The following COL27A1 variants were observed in gnomAD, a reference collection of about 807,000 sequenced individuals.
The protein encoded by COL27A1 is collagen alpha-1(XXVII) chain.
In COL27A1, 106 loss-of-function variants were observed where a neutral mutation model predicts 251.3. The observed-to-expected ratio is 0.42, with a 90% CI of 0.36 to 0.50. The LOEUF (loss-of-function observed/expected upper bound fraction) is 0.50, where lower values mean the gene tolerates loss of function less well. Among genes scored for constraint, COL27A1 ranks in the 20% least tolerant of loss-of-function variants. COL27A1 has a pLI of 0.00. For missense variants in COL27A1, 2,325 were observed against 2,522.8 expected (o/e 0.92, Z 1.68); for synonymous variants, 1,000 against 986.3 (o/e 1.01, Z -0.26).
chr9:114,166,961 C>T (rs1034624419), intron 2 of COL27A1, among the ~76,000 whole-genome samples: 1 of 152,162 alleles, frequency 6.6e-6, no homozygotes, highest in African/African-American at 2.4e-5. Flanking sequence ...GAAATGCCAT[C>T]ACCCTTCTGA....
intron 13 of COL27A1, 25 bp from the exon 14 acceptor site, chr9:114,222,195 AACC>A: frequency 6.2e-7 from 1 of 1,610,860 alleles, no homozygotes; most frequent in Non-Finnish European, 8.5e-7. Context: ...TGGGACAAGT[AACC>A]ACCTTGGTCT....
chr9:114,178,049 G>A (rs1199551983), intron 3 of COL27A1, among the ~76,000 whole-genome samples: 1 of 152,174 alleles, frequency 6.6e-6, no homozygotes, highest in Non-Finnish European at 1.5e-5. Flanking sequence ...TCTGGAGAAG[G>A]TGACACCCTA....
intron 19 of COL27A1, 126 bp from the exon 20 acceptor site, chr9:114,240,094 T>C: frequency 1.2e-6 from 1 of 849,566 alleles, no homozygotes; most frequent in Non-Finnish European, 2.0e-6. Context: ...GGTGGTTAAC[T>C]GACCTGCCTG....
intron 1 of COL27A1, among the ~76,000 whole-genome samples, chr9:114,162,143 G>T (rs916433731): frequency 5.3e-5 from 8 of 152,318 alleles, no homozygotes; most frequent in Non-Finnish European, 1.2e-4. Context: ...GCCAAGTTGG[G>T]AGCTGCCTTC....
intron 22 of COL27A1, among the ~76,000 whole-genome samples, 155 bp from the exon 23 acceptor site, chr9:114,243,352 G>A (rs1832895255): frequency 6.6e-6 from 1 of 152,206 alleles, no homozygotes; most frequent in Non-Finnish European, 1.5e-5. Context: ...CAGGACAGCT[G>A]GCCACCTGGT....
At position 114,230,058 on chromosome 9, in the gene COL27A1, A is replaced by C. The variant is rs140600804; in HGVS notation, c.2467-1021A>C. On this transcript the variant is annotated intron_variant, in intron 14 of 60. Transcript: ENST00000356083. ...TCTCCTGGAAACAAGGCTGGCAGGT[A>C]CACAGTATTGTACGTCCTCACTTGT... Among the ~76,000 whole-genome samples, 140 of 152,326 alleles carry C rather than the reference A, an allele frequency of 9.2e-4. 1 individual carries two copies. The highest frequency in any genetic ancestry group is 3.3e-3 in the African/African-American group (136 of 41,576).
intron 44 of COL27A1, 96 bp from the exon 45 acceptor site, chr9:114,289,146 A>AACC: frequency 4.2e-5 from 47 of 1,126,950 alleles, no homozygotes; most frequent in Non-Finnish European, 5.0e-5. Context: ...GCACCCCCAA[A>AACC]CCCCTCCCCA....
intron 23 of COL27A1, among the ~76,000 whole-genome samples, chr9:114,245,170 T>G (rs1187874631): frequency 6.9e-6 from 1 of 145,726 alleles, no homozygotes; most frequent in Non-Finnish European, 1.5e-5. Flanking sequence ...TTTTTTTTTT[T>G]TTTTTTGACA....
At chr9:114,307,590 T>G in intron 58 of COL27A1, 79 bp from the exon 59 acceptor site, 6 of 994,940 alleles carry the variant, frequency 6.0e-6, no homozygotes, top group Non-Finnish European at 9.7e-6. Context: ...GGTCACAAGA[T>G]GCAGGGTCCA....
At chr9:114,300,572 C>A in intron 50 of COL27A1, 53 bp from the exon 51 acceptor site, 1 of 1,436,316 alleles carries the variant, frequency 7.0e-7, no homozygotes, top group Admixed American at 2.3e-5. Context: ...GCTGTGGGGG[C>A]CCTTTACCCA....
Position 114,306,635 on chromosome 9 carries a change from A to G in COL27A1, c.5054A>G (p.Asn1685Ser). 6 of 1,613,938 alleles carry G rather than the reference A, an allele frequency of 3.7e-6. No homozygotes were observed. Among genetic ancestry groups the G allele is most frequent in the Non-Finnish European group, 5.1e-6 (6 of 1,179,986 alleles). The change falls in exon 58 of 61, where the codon AAC (asparagine) becomes AGC (serine). Residue 1685 changes from asparagine to serine, a missense_variant. Asn to Ser is a conservative substitution (Grantham distance 46). Around this residue, in one of 4 missense-constraint regions of COL27A1, gnomAD observed 327 missense variants for 442.8 expected, o/e 0.74. Coordinates refer to ENST00000356083, the MANE Select transcript of COL27A1 (RefSeq NM_032888.4). Reference sequence around the variant, plus strand: ...AAGACGCCCCTGGGCACCAAAGAGAACCCCGCCCGGGTCTGCAGGGACCTC... The same window carrying G: ...AAGACGCCCCTGGGCACCAAAGAGAGCCCCGCCCGGGTCTGCAGGGACCTC... ...SIKTPLGTKE[N>S]PARVCRDLMD...
chr9:114,208,215 A>G (rs2135318697), intron 10 of COL27A1, among the ~76,000 whole-genome samples: 1 of 152,188 alleles, frequency 6.6e-6, no homozygotes, highest in Admixed American at 6.5e-5. Flanking sequence ...AGGCGGGTGG[A>G]TCACCTGAGG....
intron 5 of COL27A1, among the ~76,000 whole-genome samples, chr9:114,184,924 C>T (rs1212440478): frequency 6.6e-6 from 1 of 152,164 alleles, no homozygotes; most frequent in Non-Finnish European, 1.5e-5. Context: ...GCCAGGCTTG[C>T]CCCTTCCTGG....
chr9:114,182,897 T>C (rs1459897711), intron 4 of COL27A1, 125 bp from the exon 5 acceptor site: 1 of 826,822 alleles, frequency 1.2e-6, no homozygotes, highest in Non-Finnish European at 2.0e-6. Flanking sequence ...ACAGTGTTGC[T>C]AGGGCTTGGC....
rs986782848 is a variant in COL27A1, at chr9:114,291,047, T to G, written c.4476+130T>G. On this transcript the variant is annotated intron_variant, in intron 48 of 60. Transcript: ENST00000356083. ...AAAATGGAGTCCACATTGTTGACCT[T>G]TCTCCGTCAGCAGTGCTTGGGGGTC... is the stretch of plus-strand genomic sequence containing the variant. 8.1e-6 allele frequency: 5 copies of G among 616,616 alleles called. No homozygotes were observed. In the Admixed American group the frequency reaches 1.6e-4, roughly 20 times the overall value. The allele number at this position is 616,616 out of a possible 1,614,324, so 38.2% of individuals were successfully genotyped here. A position where few individuals can be genotyped will look rare whatever the true frequency, so the allele number is the denominator to read the frequency against.
At position 114,245,878 on chromosome 9, in the gene COL27A1, G is replaced by T; in HGVS notation, c.2947G>T (p.Asp983Tyr). Residue 983 changes from aspartate (D) to tyrosine (Y), a missense_variant, in exon 24 of 61, where the codon GAT becomes TAT. Physicochemically the swap from Asp to Tyr is radical, Grantham distance 160. This residue lies in a region of COL27A1 where 662 missense variants were observed against 795.3 expected (regional missense o/e 0.83). Coordinates refer to ENST00000356083, the MANE Select transcript of COL27A1 (RefSeq NM_032888.4). The stretch of plus-strand genomic sequence containing the variant: ...TGTCTCTTTGCAGGGGGAACCAGGG[G>T]ATCCTGGTCGGCCGGGGCCTGTGGG... ...GLDGVKGEPG[D>Y]PGRPGPVGEQ... The T allele has an allele frequency of 6.2e-7, 1 of 1,613,206 alleles. No individual in the cohort carries two copies. Among genetic ancestry groups the T allele is most frequent in the Non-Finnish European group, 8.5e-7 (1 of 1,179,594 alleles).
At chr9:114,244,845 A>G (rs1204970288) in intron 23 of COL27A1, among the ~76,000 whole-genome samples, 1 of 152,186 alleles carries the variant, frequency 6.6e-6, no homozygotes, top group Non-Finnish European at 1.5e-5. Context: ...GATTTGTCCC[A>G]CAGATCTGCT....
At position 114,306,516 on chromosome 9, in the gene COL27A1, A is replaced by G. The variant is rs762913125; in HGVS notation, c.4939-4A>G. The G allele has an allele frequency of 5.6e-6, 9 of 1,613,690 alleles. No individual in the cohort carries two copies. ...TCCCAATGACCACCCTCTCCTCGTG[A>G]CAGAGTTACAGCTATCCAGACCGGC... On this transcript the variant is annotated splice_polypyrimidine_tract_variant and splice_region_variant and intron_variant, in intron 57 of 60. Transcript: ENST00000356083.
At chr9:114,299,386 C>T (rs1156309886) in intron 49 of COL27A1, among the ~76,000 whole-genome samples, 1 of 152,220 alleles carries the variant, frequency 6.6e-6, no homozygotes, top group East Asian at 1.9e-4. Flanking sequence ...TCCAGGGGCC[C>T]CCAGCCCTCC....
Sources: gnomAD v4.1 joint callset for allele counts (sites outside exome capture counted in the v4.1 genomes callset) on GRCh38, gnomAD v4.1.1 for gene constraint, gnomAD v4.1.1 regional missense constraint, MANE v1.5 for transcripts, NCBI Gene and HGNC (gene_info 2026-07-23, HGNC 2026-07-21) for gene names.